Variants in GPC5 observed in about 807,000 individuals in gnomAD.
GPC5 encodes the protein glypican 5, also known as glypican-5.
A neutral mutation model predicts 53.9 loss-of-function variants in GPC5; 47 were observed. The ratio of observed to expected loss-of-function variants is 0.87; its 90% CI spans 0.69 to 1.11. GPC5 has a LOEUF of 1.11. Ranked by LOEUF, GPC5 falls within the 50% of genes most tolerant of loss-of-function variation. The probability of loss-of-function intolerance (pLI) is 0.00; values close to 1 mark genes in which losing one functional copy is unlikely to be tolerated. For synonymous variants in GPC5, 286 were observed against 263.3 expected (o/e 1.09, Z -0.84); for missense variants, 748 against 713.1 (o/e 1.05, Z -0.56).
intron 5 of GPC5, among the ~76,000 whole-genome samples, chr13:91,787,964 C>G (rs1482743249): frequency 6.6e-6 from 1 of 152,090 alleles, no homozygotes; most frequent in Non-Finnish European, 1.5e-5. Context: ...AATTTACCAG[C>G]TAATTTTAAC....
chr13:91,822,568 C>G (rs546971136), intron 5 of GPC5, among the ~76,000 whole-genome samples: 1 of 152,040 alleles, frequency 6.6e-6, no homozygotes, highest in Non-Finnish European at 1.5e-5. Context: ...GGGGAACTGC[C>G]CTTTATAAAA....
intron 7 of GPC5, among the ~76,000 whole-genome samples, chr13:92,613,379 A>ATATT (rs1566320273): frequency 1.4e-5 from 1 of 72,386 alleles, no homozygotes; most frequent in African/African-American, 5.1e-5. Context: ...ATATAAATAT[A>ATATT]TTATATTATA....
At chr13:92,693,415 T>C (rs1168955430) in intron 7 of GPC5, among the ~76,000 whole-genome samples, 1 of 152,068 alleles carries the variant, frequency 6.6e-6, no homozygotes, top group Non-Finnish European at 1.5e-5. Context: ...ATGCTGATAG[T>C]AATATGAAAA....
intron 7 of GPC5, among the ~76,000 whole-genome samples, chr13:92,235,448 T>C (rs2042562775): frequency 6.6e-6 from 1 of 152,160 alleles, no homozygotes; most frequent in South Asian, 2.1e-4. Flanking sequence ...TTTATAAGGA[T>C]GTTTTCCTCA....
Position 92,304,684 on chromosome 13 carries a change from AT to A in GPC5, c.1561+159696del, listed in dbSNP as rs539488293. ...ATGCTTTCTCAAATATGTAAGTTAA[AT>A]ATTTCACCTTGTAATTTTTCAAGCT... On this transcript the variant is annotated intron_variant, in intron 7 of 7. Transcript: ENST00000377067. 5.0e-3 allele frequency among the ~76,000 whole-genome samples: 763 copies of A among 152,064 alleles called. 3 individuals carry two copies. Among genetic ancestry groups the A allele is most frequent in the Non-Finnish European group, 8.9e-3 (607 of 67,996 alleles).
intron 7 of GPC5, among the ~76,000 whole-genome samples, chr13:92,513,634 G>A (rs767591940): frequency 2.7e-5 from 4 of 149,998 alleles, no homozygotes; most frequent in Non-Finnish European, 5.9e-5. Context: ...GGTTTTACAG[G>A]TTGAGTATCT....
intron 2 of GPC5, among the ~76,000 whole-genome samples, chr13:91,607,593 A>G (rs1461579373): frequency 6.6e-6 from 1 of 152,214 alleles, no homozygotes; most frequent in African/African-American, 2.4e-5. Flanking sequence ...TTTATGTTTT[A>G]TATGTAAATA....
intron 4 of GPC5, among the ~76,000 whole-genome samples, chr13:91,752,949 G>A (rs1235488089): frequency 6.6e-6 from 1 of 152,206 alleles, no homozygotes. Context: ...AAATTTGAAA[G>A]TAGCATTCTG....
intron 7 of GPC5, among the ~76,000 whole-genome samples, chr13:92,222,099 A>T (rs902204306): frequency 1.3e-5 from 2 of 152,094 alleles, no homozygotes; most frequent in Non-Finnish European, 2.9e-5. Context: ...GTGTAGCAGC[A>T]CTTCCTTTGT....
In GPC5 at chr13:91,765,004, TTGG is replaced by T. The variant is rs370327437; in HGVS notation, c.1280+8588_1280+8590del. On this transcript the variant is annotated intron_variant, in intron 5 of 7. Transcript: ENST00000377067. ...TTTGGCCTCTTTCTGCTGAGATCTT[TTGG>T]TGGGTTCCTTTTCTCCCATATCATC... Among the ~76,000 whole-genome samples the T allele has an allele frequency of 1.4e-3, 215 of 152,322 alleles. 1 individual carries two copies. In the Middle Eastern group the frequency reaches 0.037, roughly 27 times the overall value.
intron 6 of GPC5, among the ~76,000 whole-genome samples, chr13:91,940,348 T>C (rs2039914319): frequency 1.3e-5 from 2 of 152,186 alleles, no homozygotes; most frequent in South Asian, 4.1e-4. Context: ...GGCTGCATAG[T>C]ATTCTACGTT....
At chr13:91,992,848 A>C (rs1226074179) in intron 6 of GPC5, among the ~76,000 whole-genome samples, 1 of 152,222 alleles carries the variant, frequency 6.6e-6, no homozygotes. Context: ...AACTACAGTA[A>C]TATTTGCAAA....
At chr13:92,825,110 T>C (rs1366870036) in intron 7 of GPC5, among the ~76,000 whole-genome samples, 1 of 152,122 alleles carries the variant, frequency 6.6e-6, no homozygotes, top group African/African-American at 2.4e-5. Context: ...ATCTCTATGA[T>C]TTTTGATCAA....
intron 5 of GPC5, among the ~76,000 whole-genome samples, chr13:91,773,772 A>C (rs931766547): frequency 6.6e-6 from 1 of 152,182 alleles, no homozygotes; most frequent in Admixed American, 6.5e-5. Flanking sequence ...CATGCAAGTC[A>C]GCTTCTCTTT....
intron 2 of GPC5, among the ~76,000 whole-genome samples, chr13:91,526,632 C>T (rs1886098100): frequency 6.6e-6 from 1 of 152,198 alleles, no homozygotes; most frequent in South Asian, 2.1e-4. Flanking sequence ...ATACAAGTCT[C>T]TACATCAGCG....
chr13:92,813,521 C>T (rs919226890), intron 7 of GPC5, among the ~76,000 whole-genome samples: 2 of 151,874 alleles, frequency 1.3e-5, no homozygotes, highest in Non-Finnish European at 2.9e-5. Context: ...TATGCAAATA[C>T]ATGTGTTAGA....
At chr13:91,713,804 C>T (rs2036278771) in intron 3 of GPC5, among the ~76,000 whole-genome samples, 1 of 152,176 alleles carries the variant, frequency 6.6e-6, no homozygotes, top group Non-Finnish European at 1.5e-5. Context: ...ACCAAATTTC[C>T]AATCCTGATT....
intron 5 of GPC5, among the ~76,000 whole-genome samples, chr13:91,823,120 A>G (rs1209770660): frequency 1.3e-5 from 2 of 152,088 alleles, no homozygotes; most frequent in African/African-American, 2.4e-5. Context: ...CCAATAAAGT[A>G]TGTATTAATA....
rs59465446 is a variant in GPC5, at chr13:91,647,327, A to G, written c.326-45860A>G. 6.5e-3 allele frequency among the ~76,000 whole-genome samples: 990 copies of G among 152,228 alleles called. 7 individuals are homozygous for G. Among genetic ancestry groups the G allele is most frequent in the African/African-American group, 0.022 (916 of 41,562 alleles). Reference sequence around the variant, plus strand: ...CAGCAGGTTTCACATTCCACGCTTGACCCTGTTATTAAACCGATGTTTCTT... The same window carrying G: ...CAGCAGGTTTCACATTCCACGCTTGGCCCTGTTATTAAACCGATGTTTCTT... On this transcript the variant is annotated intron_variant, in intron 2 of 7. Transcript: ENST00000377067.
Sources: gnomAD v4.1 joint callset for allele counts (sites outside exome capture counted in the v4.1 genomes callset) on GRCh38, gnomAD v4.1.1 for gene constraint, MANE v1.5 for transcripts, NCBI Gene and HGNC (gene_info 2026-07-23, HGNC 2026-07-21) for gene names.